RTCB: variants seen among roughly 807,000 people sequenced by gnomAD.
RTCB encodes the protein RNA 2',3'-cyclic phosphate and 5'-OH ligase.
In RTCB, 32 loss-of-function variants were observed where a neutral mutation model predicts 58.2. The observed-to-expected ratio is 0.55, with a 90% confidence interval of 0.41 to 0.74. The LOEUF (loss-of-function observed/expected upper bound fraction) is 0.74, where lower values mean the gene tolerates loss of function less well. Among genes scored for constraint, RTCB ranks in the 30% least tolerant of loss-of-function variants. RTCB has a pLI of 0.00. For synonymous variants in RTCB, 247 were observed against 218.6 expected (o/e 1.13, Z -1.15); for missense variants, 523 against 639.0 (o/e 0.82, Z 1.96).
chr22:32,403,276 G>A (rs1229055424), intron 4 of RTCB, among the ~76,000 whole-genome samples: 9 of 152,080 alleles, frequency 5.9e-5, no homozygotes, highest in South Asian at 2.1e-4. Flanking sequence ...GTATGGTGGC[G>A]GGTGCCTGTA....
At chr22:32,404,283 T>C (rs1018742771) in intron 4 of RTCB, among the ~76,000 whole-genome samples, 10 of 152,240 alleles carry the variant, frequency 6.6e-5, no homozygotes, top group African/African-American at 9.6e-5. Context: ...TCCAATAGCA[T>C]AGAAGGGTGT....
chr22:32,392,139 A>ATCTCTCTT (rs1933162978), intron 11 of RTCB, 101 bp downstream of exon 11: 3 of 1,295,132 alleles, frequency 2.3e-6, no homozygotes, highest in Non-Finnish European at 3.1e-6. Flanking sequence ...TAACCCAAAC[A>ATCTCTCTT]ATTTCTGTTA....
chr22:32,411,433 C>T (rs1476285995), intron 1 of RTCB, among the ~76,000 whole-genome samples: 3 of 152,178 alleles, frequency 2.0e-5, no homozygotes, highest in African/African-American at 7.2e-5. Context: ...AAGAAGTAAA[C>T]CGGACATCAA....
At chr22:32,409,968 C>T (rs1376294114) in intron 1 of RTCB, among the ~76,000 whole-genome samples, 2 of 152,024 alleles carry the variant, frequency 1.3e-5, no homozygotes, top group African/African-American at 4.8e-5. Flanking sequence ...CAGGTGCCCG[C>T]CACCACGCCC....
intron 4 of RTCB, among the ~76,000 whole-genome samples, chr22:32,404,616 A>G (rs903417398): frequency 6.6e-6 from 1 of 152,242 alleles, no homozygotes; most frequent in East Asian, 1.9e-4. Flanking sequence ...TATGTTGTGC[A>G]GGCTGGTTTC....
At chr22:32,390,220 G>A (rs907567348) in intron 11 of RTCB, among the ~76,000 whole-genome samples, 20 of 152,246 alleles carry the variant, frequency 1.3e-4, no homozygotes, top group South Asian at 4.1e-4. Flanking sequence ...GCTCCACAAC[G>A]AAGGGACTCG....
intron 7 of RTCB, among the ~76,000 whole-genome samples, chr22:32,397,181 C>T (rs1187066317): frequency 6.6e-6 from 1 of 152,210 alleles, no homozygotes; most frequent in Non-Finnish European, 1.5e-5. Flanking sequence ...GTTTTCATTT[C>T]TGCGTTCATC....
At chr22:32,391,236 T>C (rs1044488618) in intron 11 of RTCB, among the ~76,000 whole-genome samples, 1 of 152,180 alleles carries the variant, frequency 6.6e-6, no homozygotes, top group African/African-American at 2.4e-5. Context: ...GAAAGTAAGG[T>C]ACTCAGCTGG....
At chr22:32,408,278 CA>C (rs756362704) in intron 2 of RTCB, 36 bp from the exon 3 acceptor site, 1 of 1,542,946 alleles carries the variant, frequency 6.5e-7, no homozygotes, top group South Asian at 1.1e-5. Context: ...AAAGACAACA[CA>C]CTTGATTTTT....
In RTCB at chr22:32,394,538, G is replaced by C. The variant is rs1196711097; in HGVS notation, c.1179+488C>G. On this transcript the variant is annotated intron_variant, in intron 9 of 11. Transcript: ENST00000216038. ...TCTGAGGACCAGTAAAAATGCAGAA[G>C]AGTCAAAATAAGAGCAAAGCAAAAT... Among the ~76,000 whole-genome samples the C allele has an allele frequency of 2.6e-5, 4 of 152,196 alleles. No individual in the cohort carries two copies. The East Asian group carries it at 7.7e-4, about 29-fold the overall frequency.
At chr22:32,401,594 G>T in intron 5 of RTCB, 153 bp downstream of exon 5, 1 of 745,904 alleles carries the variant, frequency 1.3e-6, no homozygotes, top group Non-Finnish European at 2.1e-6. Context: ...CAATAAATGG[G>T]CTGTACCTCA....
chr22:32,405,819 T>C (rs1933409206), intron 4 of RTCB, among the ~76,000 whole-genome samples: 1 of 152,192 alleles, frequency 6.6e-6, no homozygotes, highest in Non-Finnish European at 1.5e-5. Context: ...ACTTCATTTC[T>C]AAATTCACAC....
chr22:32,401,280 C>A (rs1480837783), intron 5 of RTCB, among the ~76,000 whole-genome samples: 1 of 150,744 alleles, frequency 6.6e-6, no homozygotes, highest in African/African-American at 2.4e-5. Flanking sequence ...TTTTTAGAGA[C>A]GAGATCTATG....
intron 8 of RTCB, 123 bp downstream of exon 8, chr22:32,395,951 C>G: frequency 1.1e-6 from 1 of 910,630 alleles, no homozygotes; most frequent in Non-Finnish European, 1.7e-6. Flanking sequence ...CGCCCCCCCT[C>G]GGCCTCCCAA....
chr22:32,411,324 A>C (rs1933519742), intron 1 of RTCB, among the ~76,000 whole-genome samples: 1 of 152,216 alleles, frequency 6.6e-6, no homozygotes, highest in South Asian at 2.1e-4. Context: ...CATTAATAAA[A>C]ATATGAGCAC....
At chr22:32,409,870 T>C (rs997249209) in intron 1 of RTCB, among the ~76,000 whole-genome samples, 1 of 150,758 alleles carries the variant, frequency 6.6e-6, no homozygotes, top group African/African-American at 2.4e-5. Flanking sequence ...CAGGCTGGAG[T>C]GCAGTGGCAT....
intron 4 of RTCB, among the ~76,000 whole-genome samples, chr22:32,402,887 G>A (rs1933361323): frequency 6.6e-6 from 1 of 152,088 alleles, no homozygotes; most frequent in Non-Finnish European, 1.5e-5. Flanking sequence ...TGGGACTACA[G>A]GTGTGTGCCA....
chr22:32,393,834 T>C, intron 10 of RTCB, 58 bp downstream of exon 10: 1 of 1,223,402 alleles, frequency 8.2e-7, no homozygotes, highest in Non-Finnish European at 1.2e-6. Context: ...CCAGTCAAAA[T>C]GGAAAACCAT....
intron 8 of RTCB, 44 bp from the exon 9 acceptor site, chr22:32,395,258 C>A: frequency 6.4e-7 from 1 of 1,557,072 alleles, no homozygotes. Context: ...AACTTCAGGA[C>A]TTATGTTCAG....
Sources: gnomAD v4.1 joint callset for allele counts (sites outside exome capture counted in the v4.1 genomes callset) on GRCh38, gnomAD v4.1.1 for gene constraint, MANE v1.5 for transcripts, NCBI Gene and HGNC (gene_info 2026-07-23, HGNC 2026-07-21) for gene names.